NBEA: variants seen among roughly 807,000 people sequenced by gnomAD.
The protein encoded by NBEA is lysosomal-trafficking regulator 2.
A neutral mutation model predicts 343.4 loss-of-function variants in NBEA; 44 were observed. The observed-to-expected ratio is 0.13, with a 90% CI of 0.10 to 0.16. The LOEUF is 0.16. Ranked by LOEUF, NBEA falls within the 10% of genes least tolerant of loss-of-function variation. NBEA has a pLI of 1.00. For synonymous variants in NBEA, 1,175 were observed against 1,238.7 expected, an observed-to-expected ratio of 0.95 and a Z score of 1.08; for missense variants, 2,555 against 3,631.3, an observed-to-expected ratio of 0.70 and a Z score of 7.62.
chr13:35,320,191 G>A (rs1036045994), intron 36 of NBEA, among the ~76,000 whole-genome samples: 5 of 152,120 alleles, frequency 3.3e-5, no homozygotes, highest in Admixed American at 6.6e-5. Context: ...TCATAGTGTC[G>A]ATGGACTTTA....
At chr13:35,651,408 T>A (rs9544895) in intron 52 of NBEA, among the ~76,000 whole-genome samples, 19,593 of 150,916 alleles carry the variant, frequency 0.13, 1,374 homozygotes, top group South Asian at 0.19. Context: ...CATTGATTTC[T>A]GCTTCCTGTG....
At chr13:35,184,856 G>A (rs1187676697) in intron 30 of NBEA, among the ~76,000 whole-genome samples, 1 of 152,110 alleles carries the variant, frequency 6.6e-6, no homozygotes, top group Non-Finnish European at 1.5e-5. Flanking sequence ...ATTTATAAGA[G>A]GTAGAATTCT....
At chr13:35,314,410 T>C (rs1220712514) in intron 36 of NBEA, among the ~76,000 whole-genome samples, 1 of 152,110 alleles carries the variant, frequency 6.6e-6, no homozygotes, top group Non-Finnish European at 1.5e-5. Context: ...TTGACTTCTC[T>C]TACTTTAGTG....
intron 10 of NBEA, among the ~76,000 whole-genome samples, chr13:35,092,590 C>A (rs2065142474): frequency 6.6e-6 from 1 of 151,868 alleles, no homozygotes; most frequent in South Asian, 2.1e-4. Flanking sequence ...ATAAGGATGT[C>A]AAAATAGTTC....
chr13:35,397,205 C>T (rs886717711), intron 38 of NBEA, among the ~76,000 whole-genome samples: 1 of 152,186 alleles, frequency 6.6e-6, no homozygotes, highest in African/African-American at 2.4e-5. Flanking sequence ...AGGCTTAAGC[C>T]ATACTAACAT....
rs140845827 is a variant in NBEA at position 35,102,107 on chromosome 13, A to G, written c.1680+3702A>G. ...TCAAGGTTCTTTTTTTCTATAATCTATCTAGAATTGAATTTTGTATATGGT... is the reference window on the plus strand; with the variant it reads ...TCAAGGTTCTTTTTTTCTATAATCTGTCTAGAATTGAATTTTGTATATGGT... On this transcript the variant is annotated intron_variant, in intron 11 of 58. Coordinates refer to ENST00000379939, the MANE Select transcript of NBEA (RefSeq NM_001385012.1). 2.1e-4 allele frequency among the ~76,000 whole-genome samples: 32 copies of G among 151,814 alleles called. No homozygotes were observed. The East Asian group carries it at 5.6e-3, about 27-fold the overall frequency.
chr13:35,370,134 T>C (rs997083951), intron 38 of NBEA, among the ~76,000 whole-genome samples: 2 of 151,976 alleles, frequency 1.3e-5, no homozygotes, highest in African/African-American at 4.8e-5. Context: ...GTGTTGAAAT[T>C]CCTAACTGTT....
chr13:35,633,567 A>G (rs909116183), intron 49 of NBEA, among the ~76,000 whole-genome samples: 5 of 151,822 alleles, frequency 3.3e-5, no homozygotes, highest in Admixed American at 6.5e-5. Flanking sequence ...GATGGGAATG[A>G]TATTATAAGT....
intron 41 of NBEA, among the ~76,000 whole-genome samples, chr13:35,542,688 A>T (rs1032279280): frequency 4.6e-5 from 7 of 152,100 alleles, no homozygotes; most frequent in Non-Finnish European, 1.0e-4. Context: ...TTAAATTAAC[A>T]GTTACAATTT....
chr13:35,460,366 C>G (rs573792665), intron 40 of NBEA, among the ~76,000 whole-genome samples: 1 of 152,114 alleles, frequency 6.6e-6, no homozygotes, highest in Admixed American at 6.6e-5. Context: ...AAATAGTATA[C>G]CCAAAGGATT....
intron 55 of NBEA, among the ~76,000 whole-genome samples, chr13:35,656,395 C>G (rs1157074749): frequency 6.6e-6 from 1 of 152,214 alleles, no homozygotes; most frequent in Non-Finnish European, 1.5e-5. Flanking sequence ...TATACTCAAA[C>G]TTTCTACATA....
chr13:35,050,163 A>C, intron 5 of NBEA, 106 bp from the exon 6 acceptor site: 24 of 897,394 alleles, frequency 2.7e-5, no homozygotes, highest in Non-Finnish European at 3.3e-5. Flanking sequence ...AACTGCTTCT[A>C]CTGTACAGGG....
chr13:35,031,031 C>T (rs1160856174), intron 1 of NBEA, among the ~76,000 whole-genome samples: 2 of 151,628 alleles, frequency 1.3e-5, no homozygotes, highest in Admixed American at 1.3e-4. Flanking sequence ...TCTGCTAAAG[C>T]AGTTACAACT....
intron 34 of NBEA, among the ~76,000 whole-genome samples, chr13:35,245,958 C>T (rs940052153): frequency 5.3e-5 from 8 of 152,088 alleles, no homozygotes; most frequent in Non-Finnish European, 1.0e-4. Flanking sequence ...TAATTCCAAA[C>T]TTCTTGGAGG....
At chr13:35,467,220 T>C (rs1368218207) in intron 40 of NBEA, among the ~76,000 whole-genome samples, 1 of 152,170 alleles carries the variant, frequency 6.6e-6, no homozygotes, top group Non-Finnish European at 1.5e-5. Context: ...AGACCTGTAA[T>C]CCCAGCACTG....
At chr13:35,384,482 T>C (rs563054412) in intron 38 of NBEA, among the ~76,000 whole-genome samples, 2 of 152,162 alleles carry the variant, frequency 1.3e-5, no homozygotes, top group South Asian at 4.1e-4. Context: ...AAAGCAGTTT[T>C]TAAAATGCAT....
At position 35,106,241 on chromosome 13, in the gene NBEA, G is replaced by C. The variant is rs192336341; in HGVS notation, c.1681-3049G>C. The stretch of plus-strand genomic sequence containing the variant: ...AGATTTATAACTATAAATTATCCAA[G>C]TATAGATCTCTTTCTAAAATAGCTT... On this transcript the variant is annotated intron_variant, in intron 11 of 58. Coordinates refer to ENST00000379939, the MANE Select transcript of NBEA (RefSeq NM_001385012.1). 2.2e-4 allele frequency among the ~76,000 whole-genome samples: 34 copies of C among 151,894 alleles called. No homozygotes were observed. In the East Asian group the frequency reaches 6.0e-3, roughly 27 times the overall value.
In NBEA at chr13:35,159,426, G is replaced by A; in HGVS notation, c.3255G>A (p.Glu1085=). The change falls in exon 22 of 59, where the codon GAG becomes GAA. Residue 1085 remains glutamate, a synonymous_variant. Coordinates refer to ENST00000379939, the MANE Select transcript of NBEA (RefSeq NM_001385012.1). ...CACCGGAGACTTTAGTAGGTGGAGAGAATGGTGCCCTTGTGGAGGTTGAAT... is the reference window on the plus strand; with the variant it reads ...CACCGGAGACTTTAGTAGGTGGAGAAAATGGTGCCCTTGTGGAGGTTGAAT... ...DLSPETLVGG[E]NGALVEVESL... is the part of the protein sequence containing the mutation. 3 of 1,613,428 alleles carry A rather than the reference G, an allele frequency of 1.9e-6. No homozygotes were observed. The highest frequency in any genetic ancestry group is 2.5e-6 in the Non-Finnish European group (3 of 1,179,672).
chr13:35,252,037 T>A (rs976807772), intron 34 of NBEA, among the ~76,000 whole-genome samples: 1 of 152,222 alleles, frequency 6.6e-6, no homozygotes, highest in Non-Finnish European at 1.5e-5. Flanking sequence ...ATCCATCTAC[T>A]TTTTTATCCA....
Sources: allele counts gnomAD v4.1 joint callset (sites outside exome capture counted in the v4.1 genomes callset), GRCh38; gene constraint gnomAD v4.1.1; transcripts MANE v1.5; gene names NCBI Gene and HGNC (gene_info 2026-07-23, HGNC 2026-07-21).